Variants in ZNF423 observed in about 807,000 individuals in gnomAD.
ZNF423 encodes the protein zinc finger protein 423.
A neutral mutation model predicts 95.8 loss-of-function variants in ZNF423; 12 were observed. The ratio of observed to expected loss-of-function variants is 0.13; its 90% confidence interval spans 0.08 to 0.20. ZNF423 has a LOEUF of 0.20. Among genes scored for constraint, ZNF423 ranks in the 10% least tolerant of loss-of-function variants. ZNF423 has a pLI of 1.00. For synonymous variants in ZNF423, 749 were observed against 711.9 expected (o/e 1.05, Z -0.83); for missense variants, 1,316 against 1,737.1 (o/e 0.76, Z 4.31).
In ZNF423 at chr16:49,635,915, C is replaced by G. The variant is rs150941961; in HGVS notation, c.3261G>C (p.Leu1087=). 7 of 1,584,706 alleles carry G rather than the reference C, an allele frequency of 4.4e-6. No individual in the cohort carries two copies. The highest frequency in any genetic ancestry group is 4.3e-6 in the Non-Finnish European group (5 of 1,165,504). The stretch of plus-strand genomic sequence containing the variant: ...GCAGCCCATTGACGTCAAGCTTCAC[C>G]AGGTCCTGCTTGCTGCGGAACTCCT... ...CLKEFRSKQD[L]VKLDVNGLPY... The change falls in exon 4 of 8, where the codon CTG becomes CTC. Residue 1087 remains leucine (L), a synonymous_variant. Transcript: ENST00000563137. This position sits in a 1 kb window ranked among gnomAD's most constrained non-coding sequence, Gnocchi z 4.8.
chr16:49,701,048 T>C (rs899869745), intron 3 of ZNF423, among the ~76,000 whole-genome samples: 7 of 152,148 alleles, frequency 4.6e-5, no homozygotes, highest in African/African-American at 1.4e-4. Context: ...GTCAATGAGA[T>C]TGTAATAGAA....
At chr16:49,528,135 C>A (rs1378441768) in intron 5 of ZNF423, among the ~76,000 whole-genome samples, 1 of 152,116 alleles carries the variant, frequency 6.6e-6, no homozygotes, top group Non-Finnish European at 1.5e-5. Flanking sequence ...CTCTGCCGAG[C>A]GGGGGCCTTT....
Position 49,635,753 on chromosome 16 carries a change from T to G in ZNF423, c.3423A>C (p.Glu1141Asp), listed in dbSNP as rs1972667565. 1 of 1,612,900 alleles carries G rather than the reference T, an allele frequency of 6.2e-7. No individual in the cohort carries two copies. Among genetic ancestry groups the G allele is most frequent in the Non-Finnish European group, 8.5e-7 (1 of 1,179,838 alleles). ...PECSVKFESA[E>D]DLESHMQVDH... ...CCACCTGCATGTGGCTCTCCAGGTC[T>G]TCGGCACTCTCAAACTTGACACTGC... is the stretch of plus-strand genomic sequence containing the variant. The change falls in exon 4 of 8, where the codon GAA becomes GAC. Residue 1141 changes from glutamate (E) to aspartate (D), a missense_variant. By Grantham distance (45) the Glu-to-Asp change is conservative (BLOSUM62 2). Transcript: ENST00000563137. The surrounding 1 kb of genome is among the most constrained non-coding windows in gnomAD (Gnocchi z 4.8).
At chr16:49,618,611 C>T (rs1971957618) in intron 5 of ZNF423, among the ~76,000 whole-genome samples, 1 of 152,164 alleles carries the variant, frequency 6.6e-6, no homozygotes, top group Non-Finnish European at 1.5e-5. Flanking sequence ...GAGGCCTCCC[C>T]AGCCCTGCAG....
At chr16:49,745,880 G>A (rs542782752) in intron 2 of ZNF423, among the ~76,000 whole-genome samples, 2 of 152,332 alleles carry the variant, frequency 1.3e-5, no homozygotes, top group East Asian at 3.9e-4. Context: ...GGAGCCCACG[G>A]GGATGGAGCT....
chr16:49,663,460 C>G (rs950141935), intron 3 of ZNF423, among the ~76,000 whole-genome samples: 4 of 152,118 alleles, frequency 2.6e-5, no homozygotes, highest in Non-Finnish European at 4.4e-5. Context: ...ACTTCAGAGG[C>G]TAGTCTCAAT....
intron 1 of ZNF423, among the ~76,000 whole-genome samples, chr16:49,793,453 G>A (rs1030547194): frequency 5.9e-5 from 9 of 152,338 alleles, no homozygotes; most frequent in Admixed American, 2.6e-4. Context: ...CTACTTGGCC[G>A]GCCCGCGGCG....
At chr16:49,519,582 C>T (rs996566011) in intron 7 of ZNF423, among the ~76,000 whole-genome samples, 5 of 152,218 alleles carry the variant, frequency 3.3e-5, no homozygotes, top group South Asian at 4.2e-4. Context: ...TTCTGTGTCC[C>T]GTCTCATTAT....
chr16:49,556,054 C>T (rs1969816277), intron 5 of ZNF423, among the ~76,000 whole-genome samples: 1 of 152,122 alleles, frequency 6.6e-6, no homozygotes, highest in Admixed American at 6.5e-5. Context: ...TCCCATTGTA[C>T]CTAGGAATTA....
At chr16:49,583,100 G>A (rs1403647450) in intron 5 of ZNF423, among the ~76,000 whole-genome samples, 1 of 152,188 alleles carries the variant, frequency 6.6e-6, no homozygotes, top group Non-Finnish European at 1.5e-5. Context: ...GAAGAACCAC[G>A]ATGAGACCTC....
intron 5 of ZNF423, among the ~76,000 whole-genome samples, chr16:49,601,677 C>A (rs775017363): frequency 1.3e-5 from 2 of 152,188 alleles, no homozygotes. Context: ...CAGGGGTCTG[C>A]GCTGCACAGC....
intron 2 of ZNF423, among the ~76,000 whole-genome samples, chr16:49,788,167 C>G (rs1210935979): frequency 6.6e-6 from 1 of 152,188 alleles, no homozygotes; most frequent in Non-Finnish European, 1.5e-5. Flanking sequence ...ATGGAGGAAG[C>G]CCCTGTCACC....
At chr16:49,854,365 G>A (rs2035333899) in intron 1 of ZNF423, 1 of 985,340 alleles carries the variant, frequency 1.0e-6, no homozygotes. Context: ...GGACAGAACT[G>A]ACGAGTGTCT....
At chr16:49,741,673 G>C (rs2033417298) in intron 2 of ZNF423, among the ~76,000 whole-genome samples, 1 of 152,242 alleles carries the variant, frequency 6.6e-6, no homozygotes, top group Non-Finnish European at 1.5e-5. Flanking sequence ...CTCTGCCATG[G>C]AGTGTGTCCA....
At chr16:49,651,381 G>C (rs1332549512) in intron 3 of ZNF423, among the ~76,000 whole-genome samples, 1 of 152,136 alleles carries the variant, frequency 6.6e-6, no homozygotes, top group Non-Finnish European at 1.5e-5. Flanking sequence ...CTCTGCATCT[G>C]GCATGTGGAA....
At chr16:49,683,779 C>T (rs1567288496) in intron 3 of ZNF423, among the ~76,000 whole-genome samples, 1 of 152,190 alleles carries the variant, frequency 6.6e-6, no homozygotes, top group African/African-American at 2.4e-5. Context: ...TCTGTCTCTA[C>T]AAAAAATTTA....
chr16:49,491,647 T>C (rs1966976547), intron 7 of ZNF423, among the ~76,000 whole-genome samples: 1 of 146,228 alleles, frequency 6.8e-6, no homozygotes, highest in African/African-American at 2.5e-5. Flanking sequence ...ATTAAAAACA[T>C]CCCTGTTCAC....
At chr16:49,531,683 G>C (rs1349375595) in intron 5 of ZNF423, among the ~76,000 whole-genome samples, 1 of 152,232 alleles carries the variant, frequency 6.6e-6, no homozygotes, top group East Asian at 1.9e-4. Context: ...GGGAAGGAGA[G>C]AGTGACATTT....
At chr16:49,836,736 C>T (rs926450217) in intron 1 of ZNF423, among the ~76,000 whole-genome samples, 1 of 152,122 alleles carries the variant, frequency 6.6e-6, no homozygotes, top group Non-Finnish European at 1.5e-5. Flanking sequence ...CCATGAATGC[C>T]CTTATCCCCT....
Sources: gnomAD v4.1 joint callset for allele counts (sites outside exome capture counted in the v4.1 genomes callset) on GRCh38, gnomAD v4.1.1 for gene constraint, Gnocchi (gnomAD v3.1) non-coding constraint, MANE v1.5 for transcripts, NCBI Gene and HGNC (gene_info 2026-07-23, HGNC 2026-07-21) for gene names.